ARL15: variants seen among roughly 807,000 people sequenced by gnomAD.
ARL15 encodes ADP-ribosylation factor-like protein 15.
ARL15 carries 19 observed loss-of-function variants against 25.2 expected under a neutral mutation model. The ratio of observed to expected loss-of-function variants is 0.75; its 90% CI spans 0.53 to 1.10. The LOEUF is 1.10. Among genes scored for constraint, ARL15 ranks in the 50% least tolerant of loss-of-function variants. The pLI, the probability that ARL15 is intolerant of heterozygous loss-of-function variation, is 0.00. For missense variants in ARL15, 220 were observed against 246.0 expected (o/e 0.89, Z 0.71); for synonymous variants, 94 against 86.8 (o/e 1.08, Z -0.46).
intron 4 of ARL15, among the ~76,000 whole-genome samples, chr5:53,937,072 A>C (rs1367195077): frequency 1.3e-5 from 2 of 152,106 alleles, no homozygotes; most frequent in African/African-American, 2.4e-5. Context: ...GGGAACACAG[A>C]CCTGACAGAA....
intron 4 of ARL15, among the ~76,000 whole-genome samples, chr5:53,960,971 T>C (rs1046986065): frequency 2.6e-5 from 4 of 152,222 alleles, no homozygotes; most frequent in Non-Finnish European, 5.9e-5. Flanking sequence ...GGGTTTCTTG[T>C]ATCTTGTCCT....
chr5:54,196,604 C>T (rs1247880267), intron 1 of ARL15, among the ~76,000 whole-genome samples: 1 of 151,674 alleles, frequency 6.6e-6, no homozygotes, highest in East Asian at 1.9e-4. Flanking sequence ...CTAGTTCAAG[C>T]TTACCTTAAA....
intron 2 of ARL15, among the ~76,000 whole-genome samples, chr5:54,168,586 C>G (rs932269823): frequency 3.9e-5 from 6 of 152,098 alleles, no homozygotes. Flanking sequence ...AACAGCTTCT[C>G]TAAGTCTCTA....
chr5:54,091,080 T>G (rs1227046724), intron 4 of ARL15, among the ~76,000 whole-genome samples: 1 of 152,202 alleles, frequency 6.6e-6, no homozygotes, highest in Non-Finnish European at 1.5e-5. Context: ...TTTTCTTCAA[T>G]TATTTGCAAT....
At chr5:54,295,948 C>T (rs575660585) in intron 1 of ARL15, among the ~76,000 whole-genome samples, 1 of 152,336 alleles carries the variant, frequency 6.6e-6, no homozygotes, top group African/African-American at 2.4e-5. Flanking sequence ...GAACTGAAGG[C>T]TCCAAACAAT....
At chr5:54,291,733 T>C (rs1156625079) in intron 1 of ARL15, among the ~76,000 whole-genome samples, 1 of 152,300 alleles carries the variant, frequency 6.6e-6, no homozygotes, top group East Asian at 1.9e-4. Context: ...GATCCCTGTA[T>C]AATCCATCTT....
intron 4 of ARL15, among the ~76,000 whole-genome samples, chr5:53,909,101 T>C (rs1489212452): frequency 6.6e-6 from 1 of 152,098 alleles, no homozygotes; most frequent in Non-Finnish European, 1.5e-5. Flanking sequence ...ACAAGTACAC[T>C]ATAGAAAATC....
chr5:54,202,315 G>A (rs934397297), intron 1 of ARL15, among the ~76,000 whole-genome samples: 14 of 152,084 alleles, frequency 9.2e-5, no homozygotes, highest in African/African-American at 3.1e-4. Flanking sequence ...CTAATCAGCC[G>A]ACCTTACAAA....
chr5:53,945,117 G>T (rs1349812009), intron 4 of ARL15, among the ~76,000 whole-genome samples: 3 of 152,244 alleles, frequency 2.0e-5, no homozygotes, highest in Admixed American at 2.0e-4. Flanking sequence ...CAGCTTCCTC[G>T]TCTCTACTCA....
intron 4 of ARL15, among the ~76,000 whole-genome samples, chr5:53,980,588 T>C (rs1490772394): frequency 6.6e-6 from 1 of 152,224 alleles, no homozygotes. Flanking sequence ...TAGTTCTCTA[T>C]ACCTGCTTAA....
intron 4 of ARL15, among the ~76,000 whole-genome samples, chr5:53,921,546 G>A (rs1057402137): frequency 2.0e-5 from 3 of 152,204 alleles, no homozygotes; most frequent in Non-Finnish European, 2.9e-5. Flanking sequence ...CACAAGGCAG[G>A]TGGATCACTT....
chr5:53,936,326 G>A (rs1353402475), intron 4 of ARL15, among the ~76,000 whole-genome samples: 4 of 152,188 alleles, frequency 2.6e-5, no homozygotes, highest in Admixed American at 2.6e-4. Flanking sequence ...CCGCCTCACA[G>A]TTTAGCAATC....
intron 1 of ARL15, among the ~76,000 whole-genome samples, chr5:54,255,203 C>A (rs1464861301): frequency 6.8e-6 from 1 of 147,378 alleles, no homozygotes; most frequent in African/African-American, 2.7e-5. Context: ...CTCTACTCCA[C>A]GTCATTTTTT....
At chr5:54,066,840 T>TA (rs754459188) in intron 4 of ARL15, among the ~76,000 whole-genome samples, 2 of 152,072 alleles carry the variant, frequency 1.3e-5, no homozygotes, top group African/African-American at 4.8e-5. Flanking sequence ...TTAAAAAATA[T>TA]AAAAAAATTA....
At chr5:54,140,988 G>C (rs528780429) in intron 3 of ARL15, among the ~76,000 whole-genome samples, 2 of 152,184 alleles carry the variant, frequency 1.3e-5, no homozygotes, top group African/African-American at 4.8e-5. Flanking sequence ...TCTGCACTTT[G>C]CCAAATGCAG....
In ARL15 at chr5:53,923,988, A is replaced by T. The variant is rs370127047; in HGVS notation, c.463-37275T>A. ...TAAGATCTGATTTGAAAAACCGCTG[A>T]AGGAAAATTTTCAATTAGAAAGCAG... On this transcript the variant is annotated intron_variant, in intron 4 of 4. Coordinates refer to ENST00000504924, the MANE Select transcript of ARL15 (RefSeq NM_019087.3). 8.8e-4 allele frequency among the ~76,000 whole-genome samples: 134 copies of T among 152,378 alleles called. No individual in the cohort carries two copies. In the South Asian group the frequency reaches 0.012, roughly 14 times the overall value.
chr5:54,068,765 C>A (rs182259554), intron 4 of ARL15, among the ~76,000 whole-genome samples: 3 of 152,258 alleles, frequency 2.0e-5, no homozygotes, highest in South Asian at 4.1e-4. Flanking sequence ...CCTGAACAGG[C>A]TCTTAGTAAG....
intron 4 of ARL15, among the ~76,000 whole-genome samples, chr5:54,029,583 G>C (rs1164503241): frequency 6.6e-6 from 1 of 152,156 alleles, no homozygotes; most frequent in African/African-American, 2.4e-5. Flanking sequence ...AGTAGGCCGG[G>C]CATGGTGACT....
intron 4 of ARL15, among the ~76,000 whole-genome samples, chr5:54,034,015 G>A (rs1357514849): frequency 5.9e-5 from 9 of 152,028 alleles, no homozygotes; most frequent in African/African-American, 1.4e-4. Flanking sequence ...GGGTTTCACC[G>A]TGTTAGCCAG....
Sources: gnomAD v4.1 joint callset for allele counts (sites outside exome capture counted in the v4.1 genomes callset) on GRCh38, gnomAD v4.1.1 for gene constraint, MANE v1.5 for transcripts, NCBI Gene and HGNC (gene_info 2026-07-23, HGNC 2026-07-21) for gene names.